ARNT2: variants seen among roughly 807,000 people sequenced by gnomAD.
ARNT2 encodes ARNT protein 2.
A neutral mutation model predicts 91.7 loss-of-function variants in ARNT2; 36 were observed. The observed-to-expected ratio is 0.39, with a 90% CI of 0.30 to 0.52. The LOEUF (loss-of-function observed/expected upper bound fraction) is 0.52. Among genes scored for constraint, ARNT2 ranks in the 20% least tolerant of loss-of-function variants. The pLI is 0.72. For synonymous variants in ARNT2, 365 were observed against 347.1 expected (o/e 1.05, Z -0.57); for missense variants, 775 against 939.3 (o/e 0.83, Z 2.29).
At chr15:80,512,160 G>T (rs1897351719) in intron 6 of ARNT2, among the ~76,000 whole-genome samples, 1 of 152,148 alleles carries the variant, frequency 6.6e-6, no homozygotes, top group Admixed American at 6.5e-5. Flanking sequence ...CACTTTTTAA[G>T]CAAAACCTGT....
At chr15:80,573,429 A>G (rs1283419197) in intron 12 of ARNT2, among the ~76,000 whole-genome samples, 1 of 152,170 alleles carries the variant, frequency 6.6e-6, no homozygotes, top group East Asian at 1.9e-4. Context: ...ATTGCATAGT[A>G]CCACTAATAA....
intron 1 of ARNT2, among the ~76,000 whole-genome samples, chr15:80,409,493 G>T (rs1895651579): frequency 6.6e-6 from 1 of 152,148 alleles, no homozygotes; most frequent in Non-Finnish European, 1.5e-5. Context: ...AGGACATCTG[G>T]GTTGCTTCTA....
chr15:80,521,299 T>G (rs755202299), intron 8 of ARNT2, among the ~76,000 whole-genome samples: 2 of 150,872 alleles, frequency 1.3e-5, no homozygotes, highest in African/African-American at 2.5e-5. Context: ...AAGTTACACT[T>G]TTTTTTTCTA....
chr15:80,540,939 A>G (rs1897895202), intron 8 of ARNT2, among the ~76,000 whole-genome samples: 1 of 152,134 alleles, frequency 6.6e-6, no homozygotes, highest in Non-Finnish European at 1.5e-5. Context: ...GCTATTGTGA[A>G]TAATGCTGTG....
At chr15:80,494,949 C>G (rs1005406630) in intron 5 of ARNT2, among the ~76,000 whole-genome samples, 1 of 152,126 alleles carries the variant, frequency 6.6e-6, no homozygotes, top group African/African-American at 2.4e-5. Flanking sequence ...AGCACCTTCC[C>G]CAGATGGTAC....
At chr15:80,497,531 A>T (rs1897138292) in intron 5 of ARNT2, among the ~76,000 whole-genome samples, 1 of 152,224 alleles carries the variant, frequency 6.6e-6, no homozygotes, top group Non-Finnish European at 1.5e-5. Context: ...CCCAGCCCAG[A>T]CAACACCTCG....
chr15:80,429,256 C>T (rs777601470), intron 1 of ARNT2, among the ~76,000 whole-genome samples: 13 of 152,174 alleles, frequency 8.5e-5, no homozygotes, highest in Non-Finnish European at 1.9e-4. Flanking sequence ...GTGCTCTGTG[C>T]AGGATTAGAG....
chr15:80,514,624 C>T (rs974936228), intron 8 of ARNT2, among the ~76,000 whole-genome samples: 4 of 152,328 alleles, frequency 2.6e-5, no homozygotes, highest in South Asian at 2.1e-4. Context: ...CAGTGGCTCA[C>T]GCCTGTAATC....
At chr15:80,565,783 T>C (rs1898469685) in intron 12 of ARNT2, among the ~76,000 whole-genome samples, 1 of 152,238 alleles carries the variant, frequency 6.6e-6, no homozygotes, top group African/African-American at 2.4e-5. Context: ...ATATCATGTC[T>C]TTGTCAAATG....
intron 8 of ARNT2, among the ~76,000 whole-genome samples, chr15:80,519,055 G>A (rs1897489537): frequency 6.6e-6 from 1 of 152,148 alleles, no homozygotes; most frequent in Admixed American, 6.5e-5. Flanking sequence ...ATATAGTAAA[G>A]TTAAAAATAT....
At chr15:80,419,075 A>C (rs1272241820) in intron 1 of ARNT2, among the ~76,000 whole-genome samples, 1 of 152,120 alleles carries the variant, frequency 6.6e-6, no homozygotes, top group Non-Finnish European at 1.5e-5. Context: ...AGAACGCAGG[A>C]TCTGTTAGGT....
chr15:80,570,577 CACTT>C (rs1362419396), intron 12 of ARNT2, among the ~76,000 whole-genome samples: 1 of 152,146 alleles, frequency 6.6e-6, no homozygotes, highest in Non-Finnish European at 1.5e-5. Flanking sequence ...CTAGTGCTCC[CACTT>C]TGCTGGTCTA....
intron 8 of ARNT2, among the ~76,000 whole-genome samples, chr15:80,523,247 G>T (rs1595997319): frequency 6.6e-6 from 1 of 152,184 alleles, no homozygotes; most frequent in East Asian, 1.9e-4. Context: ...TTCCGAGAGT[G>T]GCCCAGTTCA....
At chr15:80,433,242 A>ATTTTATTTTATTTTATTTTATTTTAT (rs1567178261) in intron 1 of ARNT2, among the ~76,000 whole-genome samples, 4 of 62,568 alleles carry the variant, frequency 6.4e-5, no homozygotes, top group Non-Finnish European at 9.3e-5. Context: ...TATTTATTTT[A>ATTTTATTTTATTTTATTTTATTTTAT]TTTTATTTTA....
At position 80,450,932 on chromosome 15, in the gene ARNT2, G is replaced by A. The variant is rs567811473; in HGVS notation, c.84G>A (p.Ala28=). The change falls in exon 2 of 19, where the codon GCG becomes GCA. Residue 28 remains alanine (A), a synonymous_variant. Transcript: ENST00000303329. ...TGACGTTGCCCGTTGCCCCCATGGCGGCCACCGGACAGGTGAGGATGGCGG... is the reference window on the plus strand; with the variant it reads ...TGACGTTGCCCGTTGCCCCCATGGCAGCCACCGGACAGGTGAGGATGGCGG... The part of the protein sequence containing the change: ...GSVTLPVAPM[A]ATGQVRMAGA... 28 of 1,614,206 alleles carry A rather than the reference G, an allele frequency of 1.7e-5. No homozygotes were observed. Among genetic ancestry groups the A allele is most frequent in the Non-Finnish European group, 2.1e-5 (25 of 1,180,040 alleles).
At chr15:80,555,815 A>C (rs1898174366) in intron 11 of ARNT2, 1 of 151,480 alleles carries the variant, frequency 6.6e-6, no homozygotes, top group Non-Finnish European at 1.5e-5. Context: ...AAATACAAAA[A>C]TTAGCCAGGC....
intron 12 of ARNT2, among the ~76,000 whole-genome samples, chr15:80,566,733 A>G (rs1037567992): frequency 1.3e-5 from 2 of 152,082 alleles, no homozygotes; most frequent in Non-Finnish European, 2.9e-5. Flanking sequence ...TGGTCATTCT[A>G]CCCAAACTCT....
At chr15:80,511,923 A>G (rs1897348345) in intron 6 of ARNT2, among the ~76,000 whole-genome samples, 1 of 152,188 alleles carries the variant, frequency 6.6e-6, no homozygotes. Flanking sequence ...CTGAATGTCC[A>G]TCACTGGACC....
At chr15:80,514,524 G>A (rs1261952085) in intron 8 of ARNT2, 119 bp downstream of exon 8, 2 of 878,516 alleles carry the variant, frequency 2.3e-6, no homozygotes, top group Non-Finnish European at 1.8e-6. Context: ...ATTTTTCTTT[G>A]TGGTTAGAAC....
Sources: gnomAD v4.1 joint callset for allele counts (sites outside exome capture counted in the v4.1 genomes callset) on GRCh38, gnomAD v4.1.1 for gene constraint, MANE v1.5 for transcripts, NCBI Gene and HGNC (gene_info 2026-07-23, HGNC 2026-07-21) for gene names.